Variants in ECPAS observed in about 807,000 individuals in gnomAD.
ECPAS encodes proteasome adapter and scaffold protein ECM29.
A neutral mutation model predicts 255.1 loss-of-function variants in ECPAS; 70 were observed. That is an observed-to-expected ratio of 0.27 (90% CI 0.23 to 0.33). The LOEUF is 0.33. Among genes scored for constraint, ECPAS ranks in the 10% least tolerant of loss-of-function variants. The probability of loss-of-function intolerance (pLI) is 1.00; values close to 1 mark genes in which losing one functional copy is unlikely to be tolerated. For missense variants in ECPAS, 1,817 were observed against 2,206.4 expected (o/e 0.82, Z 3.54); for synonymous variants, 784 against 775.0 (o/e 1.01, Z -0.19).
At position 111,366,546 on chromosome 9, in the gene ECPAS, T is replaced by C; in HGVS notation, c.5195A>G (p.Gln1732Arg). 6.2e-7 allele frequency: 1 copy of C among 1,613,138 alleles called. No homozygotes were observed. The change falls in exon 47 of 50, where the codon CAA becomes CGA. Residue 1732 changes from glutamine to arginine, a missense_variant. Physicochemically the swap from Gln to Arg is conservative, Grantham distance 43 (BLOSUM62 1). This residue lies in a region of ECPAS where 960 missense variants were observed against 1,179.0 expected (regional missense o/e 0.81). Coordinates refer to ENST00000684092, the MANE Select transcript of ECPAS (RefSeq NM_001364929.1). ...CCCCTGAAAAAAGGCATTCATTGAT[T>C]GCAGGACTCCTAGCTGCACTTTCCA... ...STWKVQLGVL[Q>R]SMNAFFQGLM...
intron 31 of ECPAS, among the ~76,000 whole-genome samples, chr9:111,387,088 T>C (rs1308162814): frequency 6.6e-6 from 1 of 152,154 alleles, no homozygotes. Flanking sequence ...GGACACAGTC[T>C]CACTCATCAT....
At chr9:111,393,007 CA>C (rs2098162542) in intron 27 of ECPAS, 125 bp from the exon 28 acceptor site, 1 of 620,532 alleles carries the variant, frequency 1.6e-6, no homozygotes, top group Non-Finnish European at 2.9e-6. Flanking sequence ...GATATAAAAA[CA>C]GAATCAATAT....
At chr9:111,432,339 C>T (rs1039189497) in intron 8 of ECPAS, among the ~76,000 whole-genome samples, 3 of 152,172 alleles carry the variant, frequency 2.0e-5, no homozygotes, top group African/African-American at 4.8e-5. Context: ...TTTGGCCAGG[C>T]GTGGTGGCTC....
chr9:111,425,394 A>T, intron 12 of ECPAS, 24 bp downstream of exon 12: 1 of 1,459,154 alleles, frequency 6.9e-7, no homozygotes, highest in South Asian at 1.3e-5. Flanking sequence ...AATGTTGATA[A>T]AATTTAAAAG....
At chr9:111,480,093 A>G (rs2132130507) in intron 1 of ECPAS, among the ~76,000 whole-genome samples, 1 of 152,214 alleles carries the variant, frequency 6.6e-6, no homozygotes, top group East Asian at 1.9e-4. Context: ...CAATGATAGA[A>G]TCTAAGTGGT....
chr9:111,362,832 T>C (rs933279981), intron 49 of ECPAS, among the ~76,000 whole-genome samples: 2 of 152,156 alleles, frequency 1.3e-5, no homozygotes, highest in African/African-American at 4.8e-5. Context: ...ACTAAGTGCC[T>C]AGCTCTTTTA....
intron 11 of ECPAS, 31 bp from the exon 12 acceptor site, chr9:111,425,527 G>A (rs746426178): frequency 7.6e-6 from 11 of 1,446,642 alleles, no homozygotes; most frequent in Non-Finnish European, 1.0e-5. Context: ...CACAAAGCAA[G>A]ATAAGAATCT....
intron 1 of ECPAS, among the ~76,000 whole-genome samples, chr9:111,481,713 G>C (rs1167997690): frequency 6.6e-6 from 1 of 152,172 alleles, no homozygotes; most frequent in Non-Finnish European, 1.5e-5. Flanking sequence ...TCCATAGACA[G>C]ATAGATGGAC....
chr9:111,366,480 G>A (rs369935276), intron 47 of ECPAS, 42 bp downstream of exon 47: 46 of 1,454,328 alleles, frequency 3.2e-5, no homozygotes, highest in Middle Eastern at 3.5e-4. Flanking sequence ...AAAATGCTGC[G>A]GGGAGGAACA....
Position 111,478,232 on chromosome 9 carries a change from C to CA in ECPAS, c.-82-5233dup, listed in dbSNP as rs903487845. On this transcript the variant is annotated intron_variant, in intron 1 of 49. Transcript: ENST00000684092. The stretch of plus-strand genomic sequence containing the variant: ...CAACTTCATGCTCAATGGTATTACT[C>CA]AAAAAAAATAAATAGGCCGGACACA... Among the ~76,000 whole-genome samples, 5 of 149,282 alleles carry CA rather than the reference C, an allele frequency of 3.3e-5. No homozygotes were observed. The East Asian group carries it at 6.0e-4, about 18-fold the overall frequency.
rs556954190 is a variant in ECPAS, at chr9:111,384,689, A to AT, written c.3634-121dup. 4.3e-4 allele frequency: 358 copies of AT among 837,074 alleles called. 1 individual carries two copies. In the African/African-American group the frequency reaches 5.8e-3, roughly 14 times the overall value. The allele number at this position is 837,074 out of a possible 1,614,324, so 51.9% of individuals were successfully genotyped here. A position where few individuals can be genotyped will look rare whatever the true frequency, so the allele number is the denominator to read the frequency against. ...GATTTGGTGGAAAATCTTACATTTCATATCATGTTAAAAAAATTGGTATCT... is the reference window on the plus strand; with the variant it reads ...GATTTGGTGGAAAATCTTACATTTCATTATCATGTTAAAAAAATTGGTATCT... On this transcript the variant is annotated intron_variant, in intron 33 of 49. Coordinates refer to ENST00000684092, the MANE Select transcript of ECPAS (RefSeq NM_001364929.1).
At chr9:111,430,006 C>T (rs1054553912) in intron 9 of ECPAS, among the ~76,000 whole-genome samples, 1 of 152,220 alleles carries the variant, frequency 6.6e-6, no homozygotes, top group Non-Finnish European at 1.5e-5. Context: ...AGATTCTAGA[C>T]CAGAAGTCTG....
intron 11 of ECPAS, 101 bp downstream of exon 11, chr9:111,425,642 C>A: frequency 1.0e-6 from 1 of 976,800 alleles, no homozygotes; most frequent in South Asian, 1.8e-5. Flanking sequence ...GATGAGCAAA[C>A]ATGTTTTCTT....
intron 1 of ECPAS, among the ~76,000 whole-genome samples, chr9:111,477,081 C>T (rs961731560): frequency 2.0e-5 from 3 of 151,282 alleles, no homozygotes; most frequent in Admixed American, 2.0e-4. Context: ...GGATTACAGG[C>T]GTGAGCCACC....
chr9:111,420,762 A>G (rs1011516890), intron 15 of ECPAS, among the ~76,000 whole-genome samples: 3 of 152,192 alleles, frequency 2.0e-5, no homozygotes, highest in Non-Finnish European at 4.4e-5. Context: ...AGCCACAAAC[A>G]TAAGTGAAAT....
chr9:111,392,314 T>A (rs777006603), intron 28 of ECPAS, among the ~76,000 whole-genome samples: 2 of 152,132 alleles, frequency 1.3e-5, no homozygotes, highest in African/African-American at 2.4e-5. Flanking sequence ...AATTAACAGA[T>A]GAAAAAGACA....
At chr9:111,367,944 A>G (rs1313334013) in intron 46 of ECPAS, among the ~76,000 whole-genome samples, 3 of 151,802 alleles carry the variant, frequency 2.0e-5, no homozygotes, top group Non-Finnish European at 4.4e-5. Context: ...TGGGAGGCTG[A>G]GGCAGGAAGA....
At position 111,360,761 on chromosome 9, in the gene ECPAS, G is replaced by A. The variant is rs16915994; in HGVS notation, c.*1269C>T. The A allele has an allele frequency of 6.6e-6, 1 of 152,092 alleles. No homozygotes were observed. Among genetic ancestry groups the A allele is most frequent in the Non-Finnish European group, 1.5e-5 (1 of 68,008 alleles). 9.4% of individuals were successfully genotyped at this position (152,092 alleles called of 1,614,324 possible). A position where few individuals can be genotyped will look rare whatever the true frequency, so the allele number is the denominator to read the frequency against. ...AGTTTGAAATACATTGGTCAATAGA[G>A]ACCACCAAAAATAATAAACATGGAG... On this transcript the variant is annotated 3_prime_UTR_variant, in exon 50 of 50. Transcript: ENST00000684092.
intron 43 of ECPAS, among the ~76,000 whole-genome samples, chr9:111,371,006 G>T (rs866828367): frequency 3.9e-5 from 6 of 152,128 alleles, no homozygotes; most frequent in Non-Finnish European, 7.3e-5. Context: ...ATTCGACCCA[G>T]GTCTCACAGA....
Sources: gnomAD v4.1 joint callset for allele counts (sites outside exome capture counted in the v4.1 genomes callset) on GRCh38, gnomAD v4.1.1 for gene constraint, gnomAD v4.1.1 regional missense constraint, MANE v1.5 for transcripts, NCBI Gene and HGNC (gene_info 2026-07-23, HGNC 2026-07-21) for gene names.